PDE8B: variants seen among roughly 807,000 people sequenced by gnomAD.
PDE8B encodes the protein phosphodiesterase 8B.
PDE8B carries 26 observed loss-of-function variants against 101.3 expected under a neutral mutation model. The ratio of observed to expected loss-of-function variants is 0.26; its 90% CI spans 0.19 to 0.36. PDE8B has a LOEUF of 0.36. PDE8B is among the 10% of genes least tolerant of loss of function. The pLI, the probability that PDE8B is intolerant of heterozygous loss-of-function variation, is 1.00. For missense variants in PDE8B, 810 were observed against 1,163.1 expected (o/e 0.70, Z 4.42); for synonymous variants, 424 against 429.3 (o/e 0.99, Z 0.15).
chr5:77,340,926 G>A (rs984476025), intron 6 of PDE8B, among the ~76,000 whole-genome samples: 15 of 152,162 alleles, frequency 9.9e-5, no homozygotes, highest in Non-Finnish European at 1.6e-4. Flanking sequence ...TGCAGGGAAA[G>A]TGGTGATATT....
chr5:77,279,720 G>A (rs985791132), intron 1 of PDE8B, among the ~76,000 whole-genome samples: 1 of 152,138 alleles, frequency 6.6e-6, no homozygotes, highest in Non-Finnish European at 1.5e-5. Context: ...TGACAAAGGT[G>A]GGGTCTGAAT....
intron 10 of PDE8B, among the ~76,000 whole-genome samples, chr5:77,370,432 G>T (rs543020732): frequency 2.0e-5 from 3 of 152,272 alleles, no homozygotes; most frequent in African/African-American, 7.2e-5. Flanking sequence ...TTCGTGGAAG[G>T]CTTCTTTCAG....
Position 77,211,179 on chromosome 5 carries a change from C to T in PDE8B, c.254C>T (p.Pro85Leu). ...GGTAGCAGCGCGGGTTCCGCAGCCC[C>T]CGCCGCGACCACCAGCAGGGGCCGG... ...GSGSSAGSAA[P>L]AATTSRGRRR... The change falls in exon 1 of 22, where the codon CCC becomes CTC. Residue 85 changes from proline (P) to leucine (L), a missense_variant. Transcript: ENST00000264917. This position sits in a 1 kb window ranked among gnomAD's most constrained non-coding sequence, Gnocchi z 4.1. 1 of 1,541,330 alleles carries T rather than the reference C, an allele frequency of 6.5e-7. No individual in the cohort carries two copies. Among genetic ancestry groups the T allele is most frequent in the South Asian group, 1.2e-5 (1 of 84,608 alleles).
the PDE8B span, chr5:77,141,835 A>T: frequency 6.6e-6 from 1 of 152,208 alleles, no homozygotes; most frequent in African/African-American, 2.4e-5. Flanking sequence ...TTTATAAATA[A>T]AATGTAACAT....
chr5:77,315,960 C>CT (rs1203586782), intron 2 of PDE8B, among the ~76,000 whole-genome samples: 8 of 151,274 alleles, frequency 5.3e-5, no homozygotes, highest in Admixed American at 1.3e-4. Flanking sequence ...TGAGTAGCCT[C>CT]TTTTAAGCAG....
At position 77,210,984 on chromosome 5, in the gene PDE8B, C is replaced by T; in HGVS notation, c.59C>T (p.Ser20Leu). Residue 20 changes from serine (S) to leucine (L), a missense_variant, in exon 1 of 22, where the codon TCG becomes TTG. Coordinates refer to ENST00000264917, the MANE Select transcript of PDE8B (RefSeq NM_003719.5). The surrounding 1 kb of genome is among the most constrained non-coding windows in gnomAD (Gnocchi z 4.9). ...AGCGGCGTGATCTACTGCCGGGACT[C>T]GGACGAGTCCAGCTCGCCCCGCCAG... ...SQSGVIYCRD[S>L]DESSSPRQTT... 6.5e-7 allele frequency: 1 copy of T among 1,540,402 alleles called. No homozygotes were observed. Among genetic ancestry groups the T allele is most frequent in the Non-Finnish European group, 8.7e-7 (1 of 1,153,534 alleles).
the PDE8B span, chr5:77,146,818 T>C: frequency 2.8e-6 from 1 of 355,354 alleles, no homozygotes. Flanking sequence ...AAAGATCCCC[T>C]TTAGGACGAA....
At chr5:77,398,610 G>C (rs963592151) in intron 10 of PDE8B, among the ~76,000 whole-genome samples, 2 of 152,022 alleles carry the variant, frequency 1.3e-5, no homozygotes, top group Non-Finnish European at 1.5e-5. Flanking sequence ...AGTGAGCCAC[G>C]GCGCCCGACC....
chr5:77,291,349 A>T, intron 1 of PDE8B: 1 of 1,612,342 alleles, frequency 6.2e-7, no homozygotes, highest in Admixed American at 1.7e-5. Flanking sequence ...GAAGAAGCAA[A>T]GAAAGAAGGT....
At chr5:77,337,450 G>C (rs1778406616) in intron 6 of PDE8B, 135 bp downstream of exon 6, 1 of 693,278 alleles carries the variant, frequency 1.4e-6, no homozygotes, top group Admixed American at 2.0e-5. Context: ...ATGAATGGCA[G>C]CTGGCCAACA....
At chr5:77,291,397 C>T in intron 1 of PDE8B, 5 of 1,611,754 alleles carry the variant, frequency 3.1e-6, no homozygotes, top group Non-Finnish European at 8.5e-7. Context: ...ATGGATCGCC[C>T]TGGAAATTAT....
chr5:77,366,301 G>T (rs1784121591), intron 10 of PDE8B, among the ~76,000 whole-genome samples: 1 of 152,122 alleles, frequency 6.6e-6, no homozygotes, highest in South Asian at 2.1e-4. Flanking sequence ...TCCAAGTCTT[G>T]TTTCTCTGCC....
At chr5:77,174,703 CGTGACCTTGAAGAGT>C in the PDE8B span, among the ~76,000 whole-genome samples, 2 of 152,146 alleles carry the variant, frequency 1.3e-5, no homozygotes, top group Admixed American at 1.3e-4. Flanking sequence ...TCCTCCGCTG[CGTGACCTTGAAGAGT>C]TGGCAGACCC....
the PDE8B span, among the ~76,000 whole-genome samples, chr5:77,193,886 A>G: frequency 1.3e-5 from 2 of 152,154 alleles, no homozygotes; most frequent in African/African-American, 4.8e-5. Flanking sequence ...GAAAAATTTT[A>G]TGCTTTTTAA....
chr5:77,255,032 G>A (rs1295299832), intron 1 of PDE8B, among the ~76,000 whole-genome samples: 1 of 152,112 alleles, frequency 6.6e-6, no homozygotes, highest in African/African-American at 2.4e-5. Context: ...AGCATCCAGG[G>A]GAGGTGACCC....
intron 1 of PDE8B, among the ~76,000 whole-genome samples, chr5:77,260,681 G>A (rs1019466101): frequency 2.0e-5 from 3 of 147,034 alleles, no homozygotes; most frequent in South Asian, 2.2e-4. Context: ...TCTGCCTCCC[G>A]GGTTCAGTCA....
chr5:77,289,831 A>G (rs1766871910), intron 1 of PDE8B, among the ~76,000 whole-genome samples: 1 of 152,208 alleles, frequency 6.6e-6, no homozygotes. Flanking sequence ...AAAGTTAGAT[A>G]ATCTAGAAGT....
intron 1 of PDE8B, among the ~76,000 whole-genome samples, chr5:77,258,408 C>G (rs1759661367): frequency 6.6e-6 from 1 of 151,478 alleles, no homozygotes; most frequent in South Asian, 2.1e-4. Flanking sequence ...GGCTAGATTG[C>G]ATAAGACCTT....
chr5:77,311,005 A>G (rs1051070777), intron 1 of PDE8B, among the ~76,000 whole-genome samples: 2 of 152,168 alleles, frequency 1.3e-5, no homozygotes, highest in Admixed American at 1.3e-4. Flanking sequence ...AAAGGCTCCC[A>G]TGGCCCTTGG....
Sources: allele counts gnomAD v4.1 joint callset (sites outside exome capture counted in the v4.1 genomes callset), GRCh38; gene constraint gnomAD v4.1.1; non-coding constraint Gnocchi (gnomAD v3.1); transcripts MANE v1.5; gene names NCBI Gene and HGNC (gene_info 2026-07-23, HGNC 2026-07-21).